RAP1A: variants seen among roughly 807,000 people sequenced by gnomAD.
RAP1A encodes the protein RAP1A, member of RAS oncogene family.
Under a neutral mutation model 26.4 loss-of-function variants are expected in RAP1A, and 6 were observed. That is an observed-to-expected ratio of 0.23 (90% CI 0.12 to 0.45). RAP1A has a LOEUF of 0.45. Ranked by LOEUF, RAP1A falls within the 20% of genes least tolerant of loss-of-function variation. The pLI is 0.99. For missense variants in RAP1A, 121 were observed against 217.2 expected, an observed-to-expected ratio of 0.56 and a Z score of 2.78; for synonymous variants, 73 against 79.4, an observed-to-expected ratio of 0.92 and a Z score of 0.43.
At chr1:111,655,978 C>T (rs972681723) in intron 1 of RAP1A, among the ~76,000 whole-genome samples, 5 of 151,902 alleles carry the variant, frequency 3.3e-5, no homozygotes, top group African/African-American at 7.3e-5. Context: ...GCTGAGCCAC[C>T]GCGCCCGGCC....
intron 1 of RAP1A, among the ~76,000 whole-genome samples, chr1:111,640,280 T>C (rs1659853517): frequency 6.6e-6 from 1 of 152,204 alleles, no homozygotes; most frequent in Non-Finnish European, 1.5e-5. Context: ...TAACTAAATA[T>C]TATGTGAGAC....
chr1:111,547,464 A>G (rs537968106), intron 1 of RAP1A, among the ~76,000 whole-genome samples: 15 of 152,142 alleles, frequency 9.9e-5, no homozygotes, highest in Non-Finnish European at 1.5e-4. Context: ...GAGACTTCAA[A>G]TGTTTGTGAA....
chr1:111,655,799 G>A (rs918656244), intron 1 of RAP1A, among the ~76,000 whole-genome samples: 18 of 150,192 alleles, frequency 1.2e-4, no homozygotes, highest in Admixed American at 4.7e-4. Flanking sequence ...TCAGCCTCCC[G>A]AGTAGCTGGG....
At position 111,642,933 on chromosome 1, in the gene RAP1A, C is replaced by G. The variant is rs147934821; in HGVS notation, c.-28+22999C>G. ...TACAGGTGTGCGCCACCACACCCGGCTAATTTTTTGTTATTATTAGTAGAG... is the reference window on the plus strand; with the variant it reads ...TACAGGTGTGCGCCACCACACCCGGGTAATTTTTTGTTATTATTAGTAGAG... On this transcript the variant is annotated intron_variant, in intron 1 of 7. Transcript: ENST00000369709. Among the ~76,000 whole-genome samples the G allele has an allele frequency of 3.0e-3, 455 of 151,976 alleles. 1 individual carries two copies. Among genetic ancestry groups the G allele is most frequent in the African/African-American group, 0.01 (422 of 41,442 alleles).
chr1:111,583,732 AG>A, intron 1 of RAP1A, among the ~76,000 whole-genome samples: 1 of 152,204 alleles, frequency 6.6e-6, no homozygotes, highest in East Asian at 1.9e-4. Flanking sequence ...GAATGGGTAA[AG>A]AAAGTTATGG....
chr1:111,584,652 G>A (rs569955017), intron 1 of RAP1A, among the ~76,000 whole-genome samples: 7 of 152,224 alleles, frequency 4.6e-5, no homozygotes, highest in Admixed American at 2.0e-4. Context: ...AAAAGGAGCC[G>A]AAGAAACAAA....
chr1:111,569,078 T>C (rs963144005), intron 1 of RAP1A, among the ~76,000 whole-genome samples: 7 of 152,194 alleles, frequency 4.6e-5, no homozygotes, highest in Admixed American at 2.6e-4. Context: ...AACTGTAGAC[T>C]GTTAGTAGTT....
At chr1:111,567,287 C>G (rs1336289621) in intron 1 of RAP1A, among the ~76,000 whole-genome samples, 1 of 152,104 alleles carries the variant, frequency 6.6e-6, no homozygotes, top group Non-Finnish European at 1.5e-5. Context: ...TATCTTACAC[C>G]AGCAGGATGT....
At chr1:111,600,047 CT>C (rs959223962) in intron 1 of RAP1A, 1 of 155,568 alleles carries the variant, frequency 6.4e-6, no homozygotes, top group African/African-American at 2.4e-5. Flanking sequence ...TGTAAGCTTC[CT>C]GAGGCCCTCA....
intron 1 of RAP1A, among the ~76,000 whole-genome samples, chr1:111,669,225 T>C (rs1286400282): frequency 6.6e-6 from 1 of 152,156 alleles, no homozygotes; most frequent in Non-Finnish European, 1.5e-5. Context: ...CCTAAATTGC[T>C]AGTTTTCCCT....
intron 1 of RAP1A, among the ~76,000 whole-genome samples, chr1:111,579,169 C>G (rs186325761): frequency 3.9e-4 from 60 of 152,262 alleles, no homozygotes; most frequent in African/African-American, 1.3e-3. Context: ...CCCTCCCTCC[C>G]CTCCTTGGAG....
At chr1:111,712,237 AT>A (rs1006418072) in intron 7 of RAP1A, among the ~76,000 whole-genome samples, 193 bp from the exon 8 acceptor site, 4 of 152,208 alleles carry the variant, frequency 2.6e-5, no homozygotes, top group Non-Finnish European at 5.9e-5. Flanking sequence ...TCTATTTTTG[AT>A]TTTTTAAAAC....
chr1:111,564,003 C>A (rs1232532717), intron 1 of RAP1A: 1 of 1,331,890 alleles, frequency 7.5e-7, no homozygotes, highest in Admixed American at 1.7e-5. Flanking sequence ...CCAACAGCCA[C>A]ATTCCACCCA....
intron 2 of RAP1A, among the ~76,000 whole-genome samples, chr1:111,693,860 C>G (rs1437892664): frequency 6.6e-6 from 1 of 150,876 alleles, no homozygotes; most frequent in African/African-American, 2.4e-5. Flanking sequence ...ACTCTCTGCT[C>G]TAGCCTAAAG....
At chr1:111,707,340 C>T (rs1358368021) in intron 6 of RAP1A, among the ~76,000 whole-genome samples, 2 of 151,422 alleles carry the variant, frequency 1.3e-5, no homozygotes, top group African/African-American at 2.4e-5. Context: ...ACATGTAGAC[C>T]GATAATTTAA....
chr1:111,553,174 A>G (rs1539583), intron 1 of RAP1A, among the ~76,000 whole-genome samples: 148,431 of 152,336 alleles, frequency 0.97, 72,386 homozygotes, highest in Non-Finnish European at 1. Context: ...GTCTTCCTCT[A>G]GAGCAGAGAA....
intron 6 of RAP1A, among the ~76,000 whole-genome samples, chr1:111,707,885 A>C (rs981351281): frequency 6.6e-6 from 1 of 152,206 alleles, no homozygotes; most frequent in South Asian, 2.1e-4. Flanking sequence ...ATTAACAAAC[A>C]TTATTTGGGC....
chr1:111,628,399 A>G (rs909431668), intron 1 of RAP1A, among the ~76,000 whole-genome samples: 1 of 152,194 alleles, frequency 6.6e-6, no homozygotes, highest in African/African-American at 2.4e-5. Context: ...ACAGGTGATT[A>G]ATTTGACAGA....
intron 1 of RAP1A, among the ~76,000 whole-genome samples, chr1:111,562,785 C>T (rs1657791476): frequency 6.6e-6 from 1 of 152,216 alleles, no homozygotes; most frequent in Non-Finnish European, 1.5e-5. Flanking sequence ...GGCTGGAAGA[C>T]TAAAACCAAG....
Sources: allele counts gnomAD v4.1 joint callset (sites outside exome capture counted in the v4.1 genomes callset), GRCh38; gene constraint gnomAD v4.1.1; transcripts MANE v1.5; gene names NCBI Gene and HGNC (gene_info 2026-07-23, HGNC 2026-07-21).